Variants in TIAM1 observed in about 807,000 individuals in gnomAD.
TIAM1 encodes rho guanine nucleotide exchange factor TIAM1.
In TIAM1, 65 loss-of-function variants were observed where a neutral mutation model predicts 163.5. That is an observed-to-expected ratio of 0.40 (90% confidence interval 0.33 to 0.49). The LOEUF (loss-of-function observed/expected upper bound fraction) is 0.49. Ranked by LOEUF, TIAM1 falls within the 20% of genes least tolerant of loss-of-function variation. TIAM1 has a pLI of 0.77. For synonymous variants in TIAM1, 833 were observed against 810.1 expected (o/e 1.03, Z -0.48); for missense variants, 1,789 against 2,044.7 (o/e 0.87, Z 2.41).
At chr21:31,300,177 C>T (rs879470315) in intron 2 of TIAM1, among the ~76,000 whole-genome samples, 10 of 152,218 alleles carry the variant, frequency 6.6e-5, no homozygotes, top group Admixed American at 3.9e-4. Flanking sequence ...AGCACCTCCC[C>T]ACTCGGTATC....
At chr21:31,320,926 A>G (rs2075289219) in intron 2 of TIAM1, among the ~76,000 whole-genome samples, 1 of 151,962 alleles carries the variant, frequency 6.6e-6, no homozygotes, top group South Asian at 2.1e-4. Context: ...TGGGAGGTGG[A>G]GGCTGCAGTG....
chr21:31,437,624 T>C lies in TIAM1; in HGVS notation c.-369+26359A>G, dbSNP rs556282439. On this transcript the variant is annotated intron_variant, in intron 2 of 28. Coordinates refer to the TIAM1 transcript ENST00000286827. ...AAAGGGCCTGTGGGAGGTGACTGGA[T>C]CACGAGGGTGGACATCCCCCTTGTT... 4.6e-5 allele frequency among the ~76,000 whole-genome samples: 7 copies of C among 152,210 alleles called. No homozygotes were observed. In the South Asian group the frequency reaches 1.5e-3, roughly 32 times the overall value.
rs200300720 is a variant in TIAM1, at chr21:31,552,048, CTTTTTTTTTTTT to C, written c.-422+6867_-422+6878del. 4.4e-4 allele frequency among the ~76,000 whole-genome samples: 35 copies of C among 80,160 alleles called. 1 individual carries two copies. The highest frequency in any genetic ancestry group is 1.9e-3 in the East Asian group (3 of 1,566). The allele number at this position is 80,160 out of a possible 152,430, so 52.6% of individuals were successfully genotyped here. Reference sequence around the variant, plus strand: ...TATATGGAATTTTTACTCTGCACTACTTTTTTTTTTTTTTTTTTTTTTTTTTTGAGACGGAGG... The same window carrying C: ...TATATGGAATTTTTACTCTGCACTACTTTTTTTTTTTTTTTGAGACGGAGG... On this transcript the variant is annotated intron_variant, in intron 1 of 28. Transcript: ENST00000286827.
intron 2 of TIAM1, among the ~76,000 whole-genome samples, chr21:31,329,222 G>A (rs2075596438): frequency 6.6e-6 from 1 of 152,194 alleles, no homozygotes. Flanking sequence ...AGTTCCCTGA[G>A]GGTAAGGATG....
Position 31,225,865 on chromosome 21 carries a change from T to C in TIAM1, c.1670A>G (p.Glu557Gly). 6.2e-7 allele frequency: 1 copy of C among 1,614,204 alleles called. No individual in the cohort carries two copies. The highest frequency in any genetic ancestry group is 8.5e-7 in the Non-Finnish European group (1 of 1,180,036). The change falls in exon 7 of 28, where the codon GAA becomes GGA. Residue 557 changes from glutamate (E) to glycine (G), a missense_variant. Transcript: ENST00000541036. The stretch of plus-strand genomic sequence containing the variant: ...TGATTTCAGGAGTCGGAGCGTGTCT[T>C]CCTTGTGGTGGTGCCTCGCGACCGC... ...ATAVARHHHK[E>G]DTLRLLKSEI...
At chr21:31,518,097 G>A (rs73345639) in intron 1 of TIAM1, among the ~76,000 whole-genome samples, 4,428 of 152,242 alleles carry the variant, frequency 0.029, 214 homozygotes, top group African/African-American at 0.1. Context: ...GCCTCAGCCA[G>A]AAATCCTAAG....
rs1166382227 is a variant in TIAM1, at chr21:31,413,430, C to T, written c.-369+50553G>A. On this transcript the variant is annotated intron_variant, in intron 2 of 28. Transcript: ENST00000286827. ...GACTACAGGCACATGCCAACATGCC[C>T]GGCTAATTTTTTTGTATTTGCAGTA... 4.6e-5 allele frequency among the ~76,000 whole-genome samples: 7 copies of T among 151,998 alleles called. No homozygotes were observed. The East Asian group carries it at 1.2e-3, about 25-fold the overall frequency.
At chr21:31,418,286 G>A (rs2043442630) in intron 2 of TIAM1, among the ~76,000 whole-genome samples, 1 of 143,748 alleles carries the variant, frequency 7.0e-6, no homozygotes, top group Middle Eastern at 4.0e-3. Flanking sequence ...AAGTTGAGGT[G>A]AGCCGAGATC....
intron 1 of TIAM1, among the ~76,000 whole-genome samples, chr21:31,475,491 G>A (rs1212370787): frequency 6.6e-6 from 1 of 152,180 alleles, no homozygotes; most frequent in African/African-American, 2.4e-5. Flanking sequence ...TTAAATAAAT[G>A]TTATTTTCTT....
intron 1 of TIAM1, among the ~76,000 whole-genome samples, chr21:31,476,534 G>T (rs935708344): frequency 3.3e-5 from 5 of 152,170 alleles, no homozygotes; most frequent in African/African-American, 1.2e-4. Context: ...ACTAATAGGG[G>T]CCAATTTGTT....
At chr21:31,246,497 C>G (rs1467952940) in intron 5 of TIAM1, among the ~76,000 whole-genome samples, 2 of 152,144 alleles carry the variant, frequency 1.3e-5, no homozygotes, top group Non-Finnish European at 2.9e-5. Flanking sequence ...CAGGGGAAGC[C>G]AGGGTATAAC....
At chr21:31,445,101 G>A (rs144658166) in intron 2 of TIAM1, among the ~76,000 whole-genome samples, 95 of 152,288 alleles carry the variant, frequency 6.2e-4, no homozygotes, top group African/African-American at 2.0e-3. Flanking sequence ...CCAGTAACAA[G>A]TAGATGTTTC....
intron 2 of TIAM1, among the ~76,000 whole-genome samples, chr21:31,433,199 C>G (rs967674556): frequency 4.6e-5 from 7 of 152,132 alleles, no homozygotes; most frequent in Admixed American, 6.5e-5. Flanking sequence ...CCAAGCCTTC[C>G]TAGATTTGAT....
chr21:31,193,488 T>C (rs1424325294), intron 13 of TIAM1, among the ~76,000 whole-genome samples: 1 of 152,126 alleles, frequency 6.6e-6, no homozygotes, highest in African/African-American at 2.4e-5. Context: ...CCTCACAACT[T>C]GGTGCTGCAG....
chr21:31,258,422 T>A (rs2072247565), intron 4 of TIAM1, among the ~76,000 whole-genome samples: 1 of 152,242 alleles, frequency 6.6e-6, no homozygotes, highest in Non-Finnish European at 1.5e-5. Flanking sequence ...GTCCTAGCTA[T>A]AAAGCTTACA....
chr21:31,187,517 G>A (rs760240258), intron 13 of TIAM1, among the ~76,000 whole-genome samples: 10 of 152,142 alleles, frequency 6.6e-5, no homozygotes, highest in Non-Finnish European at 1.5e-4. Flanking sequence ...TCATCCATAT[G>A]TATGACTATA....
chr21:31,127,217 AAAGC>A, intron 25 of TIAM1, 65 bp from the exon 26 acceptor site: 1 of 1,498,694 alleles, frequency 6.7e-7, no homozygotes, highest in Non-Finnish European at 9.3e-7. Context: ...CATGTTTGCA[AAAGC>A]ATTTTTCAGC....
intron 1 of TIAM1, among the ~76,000 whole-genome samples, chr21:31,507,634 C>G (rs959797233): frequency 2.0e-5 from 3 of 152,092 alleles, no homozygotes; most frequent in Non-Finnish European, 2.9e-5. Context: ...GGGCTATGTA[C>G]CTGGGATACG....
chr21:31,280,298 A>G (rs528686628), intron 2 of TIAM1, among the ~76,000 whole-genome samples: 11 of 152,188 alleles, frequency 7.2e-5, no homozygotes, highest in African/African-American at 2.4e-4. Context: ...TGTTCTCCCA[A>G]TTGGTGAGTA....
Sources: allele counts gnomAD v4.1 joint callset (sites outside exome capture counted in the v4.1 genomes callset), GRCh38; gene constraint gnomAD v4.1.1; transcripts MANE v1.5; gene names NCBI Gene and HGNC (gene_info 2026-07-23, HGNC 2026-07-21).